The following PKIB variants were observed in gnomAD, a reference collection of about 807,000 sequenced individuals.
The protein encoded by PKIB is PKI-beta.
In PKIB, 2 loss-of-function variants were observed where a neutral mutation model predicts 4.5. The ratio of observed to expected loss-of-function variants is 0.44; its 90% CI spans 0.18 to 1.39. The LOEUF is 1.39. Ranked by LOEUF, PKIB falls within the 40% of genes most tolerant of loss-of-function variation. The pLI is 0.27. For missense variants in PKIB, 94 were observed against 92.6 expected (o/e 1.02, Z -0.06); for synonymous variants, 38 against 36.0 (o/e 1.06, Z -0.20).
intron 2 of PKIB, among the ~76,000 whole-genome samples, chr6:122,512,835 C>G (rs1237395598): frequency 1.3e-5 from 2 of 152,216 alleles, no homozygotes; most frequent in Non-Finnish European, 2.9e-5. Flanking sequence ...GAGGGCAAGT[C>G]AACCCTCTTC....
At chr6:122,523,421 C>T (rs1034526829) in intron 2 of PKIB, among the ~76,000 whole-genome samples, 5 of 152,154 alleles carry the variant, frequency 3.3e-5, no homozygotes, top group African/African-American at 7.2e-5. Flanking sequence ...AATCCCCACA[C>T]GTTGTGGGAG....
chr6:122,659,825 T>C (rs972850244), intron 2 of PKIB, among the ~76,000 whole-genome samples: 1 of 151,806 alleles, frequency 6.6e-6, no homozygotes, highest in Non-Finnish European at 1.5e-5. Flanking sequence ...ATCTATTAGC[T>C]GAGAGGTTCC....
At chr6:122,703,941 TAG>T (rs71021419) in intron 3 of PKIB, among the ~76,000 whole-genome samples, 6,949 of 90,158 alleles carry the variant, frequency 0.077, 182 homozygotes, top group Non-Finnish European at 0.098. Flanking sequence ...TATATATATA[TAG>T]AGAGAGAGAG....
chr6:122,710,978 T>A (rs1047904790), intron 3 of PKIB, among the ~76,000 whole-genome samples: 2 of 152,164 alleles, frequency 1.3e-5, no homozygotes, highest in African/African-American at 4.8e-5. Flanking sequence ...CCGTGCTAAA[T>A]CCTCTCAATT....
intron 2 of PKIB, among the ~76,000 whole-genome samples, chr6:122,572,546 C>G (rs1404708749): frequency 1.3e-5 from 2 of 150,868 alleles, no homozygotes; most frequent in African/African-American, 4.9e-5. Flanking sequence ...AAATAGACAA[C>G]CTAATGTCAC....
At chr6:122,629,768 A>G (rs1476154193) in intron 1 of PKIB, among the ~76,000 whole-genome samples, 1 of 152,204 alleles carries the variant, frequency 6.6e-6, no homozygotes, top group East Asian at 1.9e-4. Flanking sequence ...TGAGAAAAAC[A>G]CCAGGCAAAT....
chr6:122,517,895 A>G (rs2114593567), intron 2 of PKIB, among the ~76,000 whole-genome samples: 1 of 152,338 alleles, frequency 6.6e-6, no homozygotes, highest in East Asian at 1.9e-4. Flanking sequence ...GATTTTTCCA[A>G]AATAGGTGAT....
At chr6:122,593,771 C>T (rs890393385) in intron 3 of PKIB, among the ~76,000 whole-genome samples, 4 of 152,050 alleles carry the variant, frequency 2.6e-5, no homozygotes, top group African/African-American at 7.2e-5. Context: ...AAGTTAAGAA[C>T]ACAAAAGTTG....
chr6:122,720,424 A>G (rs1779693477), intron 4 of PKIB, among the ~76,000 whole-genome samples: 1 of 152,184 alleles, frequency 6.6e-6, no homozygotes, highest in Non-Finnish European at 1.5e-5. Flanking sequence ...TATGTTTTAT[A>G]GGCAGAATCA....
chr6:122,606,478 A>G (rs370553838), upstream of PKIB, among the ~76,000 whole-genome samples: 24 of 151,098 alleles, frequency 1.6e-4, 1 homozygote, highest in East Asian at 3.4e-3. Context: ...AGGCTGAGGC[A>G]GGAGAATCGC....
At position 122,542,183 on chromosome 6, in the gene PKIB, C is replaced by T. The variant is rs183981469; in HGVS notation, c.-247-43738C>T. On this transcript the variant is annotated intron_variant, in intron 2 of 6. Transcript: ENST00000392491. ...TGTCTGAAGCCTTCTTCTCTCAACT[C>T]GTCAAAGTCATTGTCTGTCCAGCTT... 5.1e-3 allele frequency among the ~76,000 whole-genome samples: 773 copies of T among 152,186 alleles called. 11 individuals are homozygous for T. The highest frequency in any genetic ancestry group is 0.017 in the African/African-American group (716 of 41,466).
At chr6:122,510,286 G>A (rs1776544076) in intron 2 of PKIB, among the ~76,000 whole-genome samples, 3 of 152,096 alleles carry the variant, frequency 2.0e-5, no homozygotes, top group Non-Finnish European at 4.4e-5. Flanking sequence ...TACACAGTAT[G>A]TCATCCATAT....
At position 122,725,246 on chromosome 6, in the gene PKIB, G is replaced by A; in HGVS notation, c.*51G>A. Reference sequence around the variant, plus strand: ...GAATTTCTGCATGTTGAAAGACTTAGTGGTTCTGTTTTCTTGAGACATTTA... The same window carrying A: ...GAATTTCTGCATGTTGAAAGACTTAATGGTTCTGTTTTCTTGAGACATTTA... On this transcript the variant is annotated 3_prime_UTR_variant, in exon 5 of 5. Transcript: ENST00000368452. 1.4e-6 allele frequency: 2 copies of A among 1,463,576 alleles called. No individual in the cohort carries two copies. The highest frequency in any genetic ancestry group is 9.4e-7 in the Non-Finnish European group (1 of 1,061,926). The allele number at this position is 1,463,576 out of a possible 1,614,324, so 90.7% of individuals were successfully genotyped here.
At chr6:122,598,394 G>A (rs905801943) in intron 3 of PKIB, among the ~76,000 whole-genome samples, 5 of 152,170 alleles carry the variant, frequency 3.3e-5, no homozygotes, top group Middle Eastern at 3.4e-3. Flanking sequence ...GACCATTACA[G>A]TAGCTACACC....
chr6:122,501,425 T>C (rs1776232675), intron 2 of PKIB, among the ~76,000 whole-genome samples: 1 of 152,222 alleles, frequency 6.6e-6, no homozygotes, highest in South Asian at 2.1e-4. Flanking sequence ...TCCAAGTGTT[T>C]CTATACATCC....
rs76719614 is a variant in PKIB, at chr6:122,586,744, A to G, written c.-161+737A>G. Among the ~76,000 whole-genome samples the G allele has an allele frequency of 2.0e-3, 309 of 152,282 alleles. 7 individuals are homozygous for G. In the East Asian group the frequency reaches 0.041, roughly 20 times the overall value. On this transcript the variant is annotated intron_variant, in intron 3 of 6. Transcript: ENST00000392491. ...AAGGGAAGGGCTTATGTTTAGGCAG[A>G]CAACGGAGCAGATGGGTCTTAAACA...
chr6:122,517,418 AG>A (rs1776795302), intron 2 of PKIB, among the ~76,000 whole-genome samples: 1 of 152,214 alleles, frequency 6.6e-6, no homozygotes, highest in Non-Finnish European at 1.5e-5. Context: ...ACTAAACGAT[AG>A]GGATTTTAAA....
At chr6:122,504,325 A>G (rs1289209209) in intron 2 of PKIB, among the ~76,000 whole-genome samples, 1 of 152,232 alleles carries the variant, frequency 6.6e-6, no homozygotes, top group Non-Finnish European at 1.5e-5. Context: ...TTCTGATAAA[A>G]TAACTCATTT....
At chr6:122,644,158 C>T (rs1363414585) in intron 2 of PKIB, 1 of 152,162 alleles carries the variant, frequency 6.6e-6, no homozygotes, top group African/African-American at 2.4e-5. Context: ...TTTAAACGTA[C>T]ATCATAGTTT....
Sources: gnomAD v4.1 joint callset for allele counts (sites outside exome capture counted in the v4.1 genomes callset) on GRCh38, gnomAD v4.1.1 for gene constraint, MANE v1.5 for transcripts, NCBI Gene and HGNC (gene_info 2026-07-23, HGNC 2026-07-21) for gene names.